The following CNNM1 variants were observed in gnomAD, a reference collection of about 807,000 sequenced individuals.
CNNM1 encodes metal transporter CNNM1.
A neutral mutation model predicts 78.8 loss-of-function variants in CNNM1; 44 were observed. The observed-to-expected ratio is 0.56, with a 90% CI of 0.44 to 0.72. CNNM1 has a LOEUF of 0.72. Ranked by LOEUF, CNNM1 falls within the 30% of genes least tolerant of loss-of-function variation. CNNM1 has a pLI of 0.00. For missense variants in CNNM1, 1,101 were observed against 1,292.2 expected (o/e 0.85, Z 2.27); for synonymous variants, 584 against 581.5 (o/e 1.00, Z -0.06).
At chr10:99,342,726 A>T (rs1289903420) in intron 1 of CNNM1, among the ~76,000 whole-genome samples, 1 of 152,058 alleles carries the variant, frequency 6.6e-6, no homozygotes, top group African/African-American at 2.4e-5. Context: ...GCTGTTTCTC[A>T]TCTCATTCCA....
chr10:99,390,365 G>A lies in CNNM1; in HGVS notation c.2734G>A (p.Asp912Asn), dbSNP rs116495666. 9.2e-5 allele frequency: 148 copies of A among 1,613,214 alleles called. No individual in the cohort carries two copies. The African/African-American group carries it at 1.5e-3, about 16-fold the overall frequency. ...LDTETSPCSS[D>N]FEENVGKKLL... ...TACAGAGACCAGCCCCTGCAGTAGCGATTTTGAGGAAAACGTGGGCAAGAA... is the reference window on the plus strand; with the variant it reads ...TACAGAGACCAGCCCCTGCAGTAGCAATTTTGAGGAAAACGTGGGCAAGAA... Residue 912 changes from aspartate to asparagine, a missense_variant, in exon 10 of 11, where the codon GAT becomes AAT. Asp to Asn is a conservative substitution (Grantham distance 23). Transcript: ENST00000356713.
At chr10:99,367,902 G>A (rs1483805921) in intron 6 of CNNM1, among the ~76,000 whole-genome samples, 1 of 152,108 alleles carries the variant, frequency 6.6e-6, no homozygotes, top group African/African-American at 2.4e-5. Flanking sequence ...ACTCTACCCG[G>A]GCCCCCCAGT....
intron 1 of CNNM1, among the ~76,000 whole-genome samples, chr10:99,336,653 C>T (rs2030201441): frequency 6.6e-6 from 1 of 152,176 alleles, no homozygotes; most frequent in South Asian, 2.1e-4. Context: ...AGAAATTAAA[C>T]GAACAGGATA....
intron 1 of CNNM1, among the ~76,000 whole-genome samples, chr10:99,336,963 T>C (rs2030216335): frequency 6.6e-6 from 1 of 152,148 alleles, no homozygotes. Flanking sequence ...TAAGACTTAC[T>C]AGAATGCCTG....
Position 99,390,379 on chromosome 10 carries a change from C to G in CNNM1, c.2748C>G (p.Asn916Lys). Residue 916 changes from asparagine (N) to lysine (K), a missense_variant, in exon 10 of 11, where the codon AAC (asparagine) becomes AAG (lysine). This residue lies in a region of CNNM1 where 348 missense variants were observed against 384.5 expected (regional missense o/e 0.90). Coordinates refer to ENST00000356713, the MANE Select transcript of CNNM1 (RefSeq NM_020348.3). ...TSPCSSDFEE[N>K]VGKKLLRTLS... ...CCTGCAGTAGCGATTTTGAGGAAAA[C>G]GTGGGCAAGAAGCTGCTGAGAACCT... 1 of 1,612,730 alleles carries G rather than the reference C, an allele frequency of 6.2e-7. No homozygotes were observed.
rs148364506 is a variant in CNNM1 at position 99,391,610 on chromosome 10, C to T, written c.*94C>T. The T allele has an allele frequency of 9.7e-7, 1 of 1,027,620 alleles. No homozygotes were observed. Among genetic ancestry groups the T allele is most frequent in the Non-Finnish European group, 1.5e-6 (1 of 680,388 alleles). 63.7% of individuals were successfully genotyped at this position (1,027,620 alleles called of 1,614,324 possible). On this transcript the variant is annotated 3_prime_UTR_variant, in exon 11 of 11. Transcript: ENST00000356713. The stretch of plus-strand genomic sequence containing the variant: ...CATCTGCTTCCCCCAAGGCCTCCCA[C>T]AGGTGACAGAATGTTCTGCCTTCCC...
At chr10:99,390,042 G>C (rs570774883) in intron 9 of CNNM1, among the ~76,000 whole-genome samples, 1 of 152,316 alleles carries the variant, frequency 6.6e-6, no homozygotes, top group East Asian at 1.9e-4. Flanking sequence ...TTTGAGAAGA[G>C]GGAATGATTT....
chr10:99,349,133 G>A lies in CNNM1; in HGVS notation c.1574-8379G>A, dbSNP rs540772866. Among the ~76,000 whole-genome samples the A allele has an allele frequency of 3.3e-4, 50 of 152,306 alleles. 1 individual carries two copies. In the South Asian group the frequency reaches 0.01, roughly 31 times the overall value. The stretch of plus-strand genomic sequence containing the variant: ...CAGTTCTCAGTAAAGAGGTGATTGT[G>A]ATATTTAAATTAATAGGCTTTGCTG... On this transcript the variant is annotated intron_variant, in intron 1 of 10. Coordinates refer to ENST00000356713, the MANE Select transcript of CNNM1 (RefSeq NM_020348.3).
At chr10:99,346,766 C>T (rs1478043767) in intron 1 of CNNM1, among the ~76,000 whole-genome samples, 1 of 152,128 alleles carries the variant, frequency 6.6e-6, no homozygotes, top group Non-Finnish European at 1.5e-5. Context: ...AGCCACCATG[C>T]CCAGCTAATA....
In CNNM1 at chr10:99,364,432, G is replaced by A. The variant is rs770826838; in HGVS notation, c.2044G>A (p.Glu682Lys). Residue 682 changes from glutamate (E) to lysine (K), a missense_variant, in exon 5 of 11, where the codon GAG becomes AAG. Physicochemically the swap from Glu to Lys is moderately conservative, Grantham distance 56. Coordinates refer to ENST00000356713, the MANE Select transcript of CNNM1 (RefSeq NM_020348.3). ...TTTTTTCCAGGGTAAAGTGGAGGTGGAGGTTGGTAAGGAAGGCCTTCGCTT... is the reference window on the plus strand; with the variant it reads ...TTTTTTCCAGGGTAAAGTGGAGGTGAAGGTTGGTAAGGAAGGCCTTCGCTT... ...VLLLQGKVEV[E>K]VGKEGLRFEN... 7 of 1,611,524 alleles carry A rather than the reference G, an allele frequency of 4.3e-6. No homozygotes were observed. Among genetic ancestry groups the A allele is most frequent in the Non-Finnish European group, 5.9e-6 (7 of 1,178,878 alleles).
intron 1 of CNNM1, among the ~76,000 whole-genome samples, chr10:99,356,562 C>CAGACAGAAAGAAAGAAAGAAAAGAA: frequency 4.1e-5 from 4 of 98,536 alleles, no homozygotes; most frequent in Admixed American, 1.1e-4. Flanking sequence ...GACAGACAGA[C>CAGACAGAAAGAAAGAAAGAAAAGAA]AGAAAGAAAG....
At chr10:99,350,106 A>C (rs1410202680) in intron 1 of CNNM1, among the ~76,000 whole-genome samples, 2 of 152,154 alleles carry the variant, frequency 1.3e-5, no homozygotes, top group African/African-American at 4.8e-5. Flanking sequence ...CATTTTGAAC[A>C]AAGGCCCAGG....
At chr10:99,368,325 T>C (rs2031689626) in intron 6 of CNNM1, 1 of 290,460 alleles carries the variant, frequency 3.4e-6, no homozygotes, top group South Asian at 3.3e-5. Flanking sequence ...GCTGCCTACA[T>C]GCTTCCCACA....
chr10:99,380,336 GAGTAGAAA>G (rs568142192), intron 7 of CNNM1, among the ~76,000 whole-genome samples: 2 of 152,134 alleles, frequency 1.3e-5, no homozygotes, highest in Non-Finnish European at 2.9e-5. Context: ...TTGCTGCTTG[GAGTAGAAA>G]AGTGAAGGAG....
chr10:99,387,116 C>G (rs1358605808), intron 7 of CNNM1, among the ~76,000 whole-genome samples: 1 of 152,184 alleles, frequency 6.6e-6, no homozygotes, highest in Non-Finnish European at 1.5e-5. Flanking sequence ...GAGACACCCT[C>G]CTGCCTTTTA....
chr10:99,364,331 A>G, intron 4 of CNNM1, 86 bp from the exon 5 acceptor site: 1 of 978,366 alleles, frequency 1.0e-6, no homozygotes, highest in South Asian at 1.5e-5. Context: ...TTGTTATCCA[A>G]GCAGAAATGC....
chr10:99,330,382 C>T lies in CNNM1; in HGVS notation c.995C>T (p.Thr332Ile), dbSNP rs765320855. The change falls in exon 1 of 11, where the codon ACC becomes ATC. Residue 332 changes from threonine to isoleucine, a missense_variant. Physicochemically the swap from Thr to Ile is moderately conservative, Grantham distance 89. Transcript: ENST00000356713. ...CCGTGGCTGCCGGCGCTCGTGTGCA[C>T]CGGCGCGGTATTCCTGGGCGCCGAA... ...HFPWLPALVC[T>I]GAVFLGAEIC... The T allele has an allele frequency of 2.4e-5, 39 of 1,595,856 alleles. No individual in the cohort carries two copies. The South Asian group carries it at 4.3e-4, about 18-fold the overall frequency.
In CNNM1 at chr10:99,378,897, G is replaced by A. The variant is rs1000603093; in HGVS notation, c.2340+1679G>A. Among the ~76,000 whole-genome samples, 3 of 152,218 alleles carry A rather than the reference G, an allele frequency of 2.0e-5. No individual in the cohort carries two copies. In the South Asian group the frequency reaches 6.2e-4, roughly 32 times the overall value. On this transcript the variant is annotated intron_variant, in intron 7 of 10. Coordinates refer to ENST00000356713, the MANE Select transcript of CNNM1 (RefSeq NM_020348.3). ...AGAGCTAAAGGAACCCCAGGGAAGT[G>A]CCTTTACGAGCTGACCGAGCAATGC...
intron 6 of CNNM1, among the ~76,000 whole-genome samples, chr10:99,376,379 C>T (rs2031962951): frequency 6.6e-6 from 1 of 152,204 alleles, no homozygotes; most frequent in African/African-American, 2.4e-5. Flanking sequence ...CTATTTTTAC[C>T]GTTTATCAAT....
Sources: allele counts gnomAD v4.1 joint callset (sites outside exome capture counted in the v4.1 genomes callset), GRCh38; gene constraint gnomAD v4.1.1; regional missense constraint gnomAD v4.1.1; transcripts MANE v1.5; gene names NCBI Gene and HGNC (gene_info 2026-07-23, HGNC 2026-07-21).